The following MATN2 variants were observed in gnomAD, a reference collection of about 807,000 sequenced individuals.
MATN2 encodes the protein matrilin 2, also known as matrilin-2.
In MATN2, 69 loss-of-function variants were observed where a neutral mutation model predicts 103.2. That is an observed-to-expected ratio of 0.67 (90% CI 0.55 to 0.82). The LOEUF (loss-of-function observed/expected upper bound fraction) is 0.82. Among genes scored for constraint, MATN2 ranks in the 40% least tolerant of loss-of-function variants. The probability of loss-of-function intolerance (pLI) is 0.00; values close to 1 mark genes in which losing one functional copy is unlikely to be tolerated. For synonymous variants in MATN2, 429 were observed against 450.2 expected (o/e 0.95, Z 0.60); for missense variants, 1,023 against 1,211.5 (o/e 0.84, Z 2.31).
intron 4 of MATN2, among the ~76,000 whole-genome samples, chr8:97,951,620 T>A (rs1810956964): frequency 2.6e-5 from 4 of 152,212 alleles, no homozygotes; most frequent in Admixed American, 2.0e-4. Context: ...GACTTAGATG[T>A]TTTAAATAAG....
chr8:97,933,117 G>A (rs897190), intron 3 of MATN2, among the ~76,000 whole-genome samples: 144,626 of 152,330 alleles, frequency 0.95, 69,037 homozygotes, highest in Non-Finnish European at 1. Flanking sequence ...TCTTGACTCC[G>A]GAATCAAAAG....
At chr8:98,022,507 T>C (rs888645200) in intron 13 of MATN2, among the ~76,000 whole-genome samples, 1 of 152,142 alleles carries the variant, frequency 6.6e-6, no homozygotes, top group African/African-American at 2.4e-5. Context: ...TTCAGTATTA[T>C]GTTAAGCAGA....
At chr8:97,979,168 T>C (rs1208029483) in intron 6 of MATN2, among the ~76,000 whole-genome samples, 160 bp downstream of exon 6, 2 of 152,232 alleles carry the variant, frequency 1.3e-5, no homozygotes, top group Non-Finnish European at 2.9e-5. Flanking sequence ...TTTCATGACT[T>C]GGCTTAAGAC....
chr8:98,013,253 A>C (rs1048250833), intron 10 of MATN2, among the ~76,000 whole-genome samples: 1 of 152,224 alleles, frequency 6.6e-6, no homozygotes, highest in South Asian at 2.1e-4. Context: ...CTTTGAATTT[A>C]TAAGTGGCCC....
chr8:98,011,824 C>A (rs1204942297), intron 10 of MATN2, among the ~76,000 whole-genome samples: 2 of 152,146 alleles, frequency 1.3e-5, no homozygotes, highest in Non-Finnish European at 2.9e-5. Flanking sequence ...GAACACGTTG[C>A]CCCACTGTTG....
chr8:97,869,964 T>C (rs780800756), intron 1 of MATN2, among the ~76,000 whole-genome samples: 13 of 152,062 alleles, frequency 8.5e-5, no homozygotes, highest in Non-Finnish European at 1.5e-4. Context: ...ACAAACCCAA[T>C]TGACCAAGTT....
chr8:97,922,215 T>C (rs983352402), intron 2 of MATN2, among the ~76,000 whole-genome samples: 1 of 152,234 alleles, frequency 6.6e-6, no homozygotes. Context: ...TCTGATGTGC[T>C]AGTTTTATAT....
chr8:97,893,663 G>A (rs954171127), intron 2 of MATN2, among the ~76,000 whole-genome samples: 3 of 151,498 alleles, frequency 2.0e-5, no homozygotes, highest in African/African-American at 4.9e-5. Context: ...TGCAACCTCC[G>A]CCTCCCAGGT....
At chr8:97,984,148 A>T (rs1812120748) in intron 6 of MATN2, among the ~76,000 whole-genome samples, 1 of 152,306 alleles carries the variant, frequency 6.6e-6, no homozygotes, top group Admixed American at 6.5e-5. Flanking sequence ...TTGCCCAACT[A>T]TCCATCCTAC....
At chr8:97,970,093 T>A (rs1811607283) in intron 5 of MATN2, among the ~76,000 whole-genome samples, 1 of 152,220 alleles carries the variant, frequency 6.6e-6, no homozygotes, top group Non-Finnish European at 1.5e-5. Flanking sequence ...TGACTGCTCT[T>A]GCAGAGCAGG....
intron 4 of MATN2, among the ~76,000 whole-genome samples, chr8:97,943,546 T>C (rs192848940): frequency 6.6e-6 from 1 of 152,176 alleles, no homozygotes. Context: ...CAATTATGGC[T>C]CACTGTACCC....
At chr8:97,882,252 C>T (rs1375244604) in intron 1 of MATN2, among the ~76,000 whole-genome samples, 2 of 151,758 alleles carry the variant, frequency 1.3e-5, no homozygotes, top group Non-Finnish European at 2.9e-5. Context: ...CACAAGCCCA[C>T]AGTTAACATC....
At chr8:97,923,535 T>TTC (rs35773325) in intron 2 of MATN2, among the ~76,000 whole-genome samples, 53 of 148,508 alleles carry the variant, frequency 3.6e-4, no homozygotes, top group Middle Eastern at 3.4e-3. Flanking sequence ...AGCCACTCAC[T>TTC]TCTCTCTCTC....
intron 6 of MATN2, among the ~76,000 whole-genome samples, chr8:97,991,373 C>A (rs1812382913): frequency 6.6e-6 from 1 of 152,176 alleles, no homozygotes; most frequent in East Asian, 1.9e-4. Flanking sequence ...CTGGCCTCAG[C>A]CTCCCTAGTA....
intron 1 of MATN2, among the ~76,000 whole-genome samples, chr8:97,870,191 A>C (rs1443211229): frequency 6.6e-6 from 1 of 152,092 alleles, no homozygotes; most frequent in African/African-American, 2.4e-5. Flanking sequence ...CTGTCTAATG[A>C]GGATGGTAAT....
At chr8:97,955,625 G>A (rs2130240791) in intron 4 of MATN2, among the ~76,000 whole-genome samples, 1 of 152,342 alleles carries the variant, frequency 6.6e-6, no homozygotes, top group Admixed American at 6.5e-5. Context: ...GTCAACAATA[G>A]ATGGCTACTA....
At chr8:97,967,818 C>T (rs1811534494) in intron 5 of MATN2, among the ~76,000 whole-genome samples, 2 of 152,244 alleles carry the variant, frequency 1.3e-5, no homozygotes, top group African/African-American at 4.8e-5. Context: ...GCCCCCTTCT[C>T]ACAGCTCCAC....
At chr8:97,870,466 G>A (rs4524759) in intron 1 of MATN2, among the ~76,000 whole-genome samples, 54,080 of 151,792 alleles carry the variant, frequency 0.36, 10,893 homozygotes, top group Non-Finnish European at 0.46. Context: ...TGCAGTGAGC[G>A]GAGATGGTGC....
intron 5 of MATN2, among the ~76,000 whole-genome samples, chr8:97,976,655 T>G (rs1811845288): frequency 6.6e-6 from 1 of 152,308 alleles, no homozygotes; most frequent in South Asian, 2.1e-4. Flanking sequence ...GGAGTACTTT[T>G]TTTTGAAAAG....
Sources: gnomAD v4.1 joint callset for allele counts (sites outside exome capture counted in the v4.1 genomes callset) on GRCh38, gnomAD v4.1.1 for gene constraint, MANE v1.5 for transcripts, NCBI Gene and HGNC (gene_info 2026-07-23, HGNC 2026-07-21) for gene names.